Variants in RBL2 observed in about 807,000 individuals in gnomAD.
The protein encoded by RBL2 is RB transcriptional corepressor like 2.
RBL2 carries 56 observed loss-of-function variants against 126.0 expected under a neutral mutation model. The ratio of observed to expected loss-of-function variants is 0.44; its 90% CI spans 0.36 to 0.56. RBL2 has a LOEUF of 0.56. Ranked by LOEUF, RBL2 falls within the 20% of genes least tolerant of loss-of-function variation. RBL2 has a pLI of 0.00. For synonymous variants in RBL2, 454 were observed against 478.5 expected, an observed-to-expected ratio of 0.95 and a Z score of 0.67; for missense variants, 1,229 against 1,398.2, an observed-to-expected ratio of 0.88 and a Z score of 1.93.
At chr16:53,482,539 G>A (rs1215224481) in intron 21 of RBL2, among the ~76,000 whole-genome samples, 1 of 152,174 alleles carries the variant, frequency 6.6e-6, no homozygotes, top group Admixed American at 6.5e-5. Context: ...GCTGGGCGTT[G>A]TGGCTCACAC....
At chr16:53,447,847 G>A (rs942366584) in intron 4 of RBL2, among the ~76,000 whole-genome samples, 1 of 152,100 alleles carries the variant, frequency 6.6e-6, no homozygotes, top group Admixed American at 6.5e-5. Flanking sequence ...GTTTCACCAT[G>A]TTGGCCAGGC....
At chr16:53,444,780 G>A (rs565205548) in intron 3 of RBL2, among the ~76,000 whole-genome samples, 228 of 151,872 alleles carry the variant, frequency 1.5e-3, no homozygotes, top group African/African-American at 5.2e-3. Flanking sequence ...CCCAGGAGTC[G>A]GAGGTTTCAG....
chr16:53,454,719 AT>A lies in RBL2; in HGVS notation c.1059del (p.Gly355GlufsTer15). 6.2e-7 allele frequency: 1 copy of A among 1,614,058 alleles called. No individual in the cohort carries two copies. The highest frequency in any genetic ancestry group is 8.5e-7 in the Non-Finnish European group (1 of 1,179,914). On this transcript the variant is annotated frameshift_variant, in exon 8 of 22. Transcript: ENST00000262133. LOFTEE classifies it high-confidence loss of function. ...LSVGNLDERI[F>X]LGEDAEEEIG... ...CTGTTGGGAATTTAGATGAGCGGAT[AT>A]TTCTTGGAGAGGATGCTGAGGAGGA... is the stretch of plus-strand genomic sequence containing the variant.
intron 5 of RBL2, among the ~76,000 whole-genome samples, chr16:53,452,385 A>G (rs927601970): frequency 3.1e-4 from 47 of 152,342 alleles, no homozygotes; most frequent in African/African-American, 1.1e-3. Context: ...AGCAAATATT[A>G]AAAAGTATGT....
At chr16:53,483,518 A>G (rs568382520) in intron 21 of RBL2, among the ~76,000 whole-genome samples, 2 of 152,126 alleles carry the variant, frequency 1.3e-5, no homozygotes, top group South Asian at 2.1e-4. Flanking sequence ...AGCCTGGGCA[A>G]TAAAGTGAGA....
At chr16:53,466,192 G>C (rs960093664) in intron 13 of RBL2, 1 of 152,302 alleles carries the variant, frequency 6.6e-6, no homozygotes, top group Non-Finnish European at 1.5e-5. Flanking sequence ...AAACGAGTCA[G>C]ATAATTTGTG....
chr16:53,463,903 T>C (rs1389031759), intron 11 of RBL2, among the ~76,000 whole-genome samples: 1 of 152,174 alleles, frequency 6.6e-6, no homozygotes, highest in Non-Finnish European at 1.5e-5. Context: ...CTGTAAATAC[T>C]GTTTTGAAAC....
In RBL2 at chr16:53,443,195, C is replaced by G. The variant is rs1205208486; in HGVS notation, c.572+337C>G. ...AAAAATGCAGACTGTACAAGTCAGA[C>G]TTAGGGATTTTCACCCTTTCGCCGC... On this transcript the variant is annotated intron_variant, in intron 3 of 21. Transcript: ENST00000262133. The G allele has an allele frequency of 1.3e-4, 20 of 156,536 alleles. No homozygotes were observed. The Admixed American group carries it at 1.3e-3, about 10-fold the overall frequency. 9.7% of individuals were successfully genotyped at this position (156,536 alleles called of 1,614,324 possible).
In RBL2 at chr16:53,447,317, A is replaced by G. The variant is rs529088906; in HGVS notation, c.637+211A>G. On this transcript the variant is annotated intron_variant, in intron 4 of 21. Transcript: ENST00000262133. Reference sequence around the variant, plus strand: ...ATCCAAATCTTCTCTTATTAAATGGAAAGTCCATTAACTTTGTTGTATACA... The same window carrying G: ...ATCCAAATCTTCTCTTATTAAATGGGAAGTCCATTAACTTTGTTGTATACA... Among the ~76,000 whole-genome samples, 197 of 143,654 alleles carry G rather than the reference A, an allele frequency of 1.4e-3. 1 individual carries two copies. Among genetic ancestry groups the G allele is most frequent in the Non-Finnish European group, 4.3e-4 (28 of 64,848 alleles). 94.2% of individuals were successfully genotyped at this position (143,654 alleles called of 152,430 possible). A position where few individuals can be genotyped will look rare whatever the true frequency, so the allele number is the denominator to read the frequency against.
Position 53,481,757 on chromosome 16 carries a change from C to T in RBL2, c.3171C>T (p.Tyr1057=), listed in dbSNP as rs1442733838. The T allele has an allele frequency of 6.3e-7, 1 of 1,594,950 alleles. No individual in the cohort carries two copies. The highest frequency in any genetic ancestry group is 1.3e-5 in the African/African-American group (1 of 74,406). Reference sequence around the variant, plus strand: ...AGTTGTCTCAAAATCATCCTGTCTACATTTCCCCACATAAAAATGAAACAA... The same window carrying T: ...AGTTGTCTCAAAATCATCCTGTCTATATTTCCCCACATAAAAATGAAACAA... ...RIQLSQNHPV[Y]ISPHKNETML... Residue 1057 remains tyrosine (Y), a synonymous_variant, in exon 21 of 22, where the codon TAC becomes TAT. Transcript: ENST00000262133.
At chr16:53,487,370 A>C (rs188074461) in intron 21 of RBL2, among the ~76,000 whole-genome samples, 149 of 152,304 alleles carry the variant, frequency 9.8e-4, no homozygotes, top group African/African-American at 3.3e-3. Flanking sequence ...AACAGAACAG[A>C]GTCCTGAAAT....
chr16:53,479,235 T>G lies in RBL2; in HGVS notation c.2775+10T>G. ...GCAGGCCCGGAGCCAGGTAACTACATTTTCTCTATGGGCTGAAAAATAAAG... is the reference window on the plus strand; with the variant it reads ...GCAGGCCCGGAGCCAGGTAACTACAGTTTCTCTATGGGCTGAAAAATAAAG... On this transcript the variant is annotated intron_variant, in intron 18 of 21. Transcript: ENST00000262133. 6.2e-7 allele frequency: 1 copy of G among 1,605,890 alleles called. No individual in the cohort carries two copies. Among genetic ancestry groups the G allele is most frequent in the South Asian group, 1.1e-5 (1 of 90,904 alleles).
At chr16:53,489,140 A>G (rs1177770094) in intron 21 of RBL2, 1 of 152,188 alleles carries the variant, frequency 6.6e-6, no homozygotes, top group Non-Finnish European at 1.5e-5. Context: ...TAAAACCCCC[A>G]AAACATTTAT....
chr16:53,467,118 A>G lies in RBL2; in HGVS notation c.1924A>G (p.Thr642Ala), dbSNP rs2058279850. ...DEICIAGSPL[T>A]PRRVTEVRAD... ...AATTTGCATTGCTGGCTCCCCTTTG[A>G]CTCCCAGAAGGGTGACTGAAGTTCG... The change falls in exon 14 of 22, where the codon ACT becomes GCT. Residue 642 changes from threonine to alanine, a missense_variant. Transcript: ENST00000262133. The G allele has an allele frequency of 6.2e-7, 1 of 1,613,948 alleles. No homozygotes were observed. Among genetic ancestry groups the G allele is most frequent in the East Asian group, 2.2e-5 (1 of 44,846 alleles).
intron 3 of RBL2, chr16:53,446,011 A>T (rs1189546229): frequency 2.0e-5 from 3 of 152,218 alleles, no homozygotes; most frequent in East Asian, 3.8e-4. Flanking sequence ...TACAGATAGC[A>T]CCTTCTGTGT....
At chr16:53,486,757 C>A (rs995646034) in intron 21 of RBL2, among the ~76,000 whole-genome samples, 7 of 152,128 alleles carry the variant, frequency 4.6e-5, no homozygotes, top group Non-Finnish European at 8.8e-5. Context: ...AACATTGTAA[C>A]TGGGAGTCCT....
chr16:53,479,253 A>G (rs1484214815), intron 18 of RBL2, 28 bp downstream of exon 18: 1 of 1,583,902 alleles, frequency 6.3e-7, no homozygotes, highest in Non-Finnish European at 8.7e-7. Context: ...ATGGGCTGAA[A>G]AATAAAGCTT....
rs765522679 is a variant in RBL2 at position 53,453,681 on chromosome 16, TA to T, written c.928-22del. On this transcript the variant is annotated intron_variant, in intron 6 of 21. Coordinates refer to ENST00000262133, the MANE Select transcript of RBL2 (RefSeq NM_005611.4). ...AAAAACTTGATTTAACATGACGACT[TA>T]AGGATCTCTTCTTTCATCATAGCTC... The T allele has an allele frequency of 1.9e-5, 31 of 1,605,872 alleles. 1 individual carries two copies. The Admixed American group carries it at 4.9e-4, about 26-fold the overall frequency.
rs1961427780 is a variant in RBL2, at chr16:53,491,230, G to A, written c.*930G>A. 1 of 152,092 alleles carries A rather than the reference G, an allele frequency of 6.6e-6. No individual in the cohort carries two copies. The highest frequency in any genetic ancestry group is 1.5e-5 in the Non-Finnish European group (1 of 68,028). 9.4% of individuals were successfully genotyped at this position (152,092 alleles called of 1,614,324 possible). A position where few individuals can be genotyped will look rare whatever the true frequency, so the allele number is the denominator to read the frequency against. On this transcript the variant is annotated 3_prime_UTR_variant, in exon 22 of 22. Coordinates refer to ENST00000262133, the MANE Select transcript of RBL2 (RefSeq NM_005611.4). ...ACTTATGACCTCTTCCTTTAGGAGG[G>A]AGTTATCTAAAAGAAATGTCTATTA...
Sources: allele counts gnomAD v4.1 joint callset (sites outside exome capture counted in the v4.1 genomes callset), GRCh38; gene constraint gnomAD v4.1.1; transcripts MANE v1.5; gene names NCBI Gene and HGNC (gene_info 2026-07-23, HGNC 2026-07-21).